Variants in NR2C1 observed in about 807,000 individuals in gnomAD.
NR2C1 encodes the protein TR2 nuclear hormone receptor.
Under a neutral mutation model 74.8 loss-of-function variants are expected in NR2C1, and 33 were observed. The ratio of observed to expected loss-of-function variants is 0.44; its 90% CI spans 0.33 to 0.59. The LOEUF (loss-of-function observed/expected upper bound fraction) is 0.59. Among genes scored for constraint, NR2C1 ranks in the 20% least tolerant of loss-of-function variants. NR2C1 has a pLI of 0.02. For missense variants in NR2C1, 568 were observed against 715.6 expected (o/e 0.79, Z 2.35); for synonymous variants, 225 against 240.6 (o/e 0.94, Z 0.60).
At chr12:95,028,291 G>A in intron 12 of NR2C1, 96 bp downstream of exon 12, 1 of 968,128 alleles carries the variant, frequency 1.0e-6, no homozygotes, top group Middle Eastern at 2.3e-4. Context: ...CCAGGTAACT[G>A]CACCATTTTA....
intron 11 of NR2C1, among the ~76,000 whole-genome samples, chr12:95,029,804 G>A (rs760321497): frequency 5.9e-5 from 9 of 151,968 alleles, no homozygotes; most frequent in East Asian, 1.9e-4. Context: ...TGATCCACCC[G>A]CCTAGGCATC....
At chr12:95,069,946 A>T (rs1876340639) in intron 1 of NR2C1, among the ~76,000 whole-genome samples, 1 of 152,068 alleles carries the variant, frequency 6.6e-6, no homozygotes, top group Non-Finnish European at 1.5e-5. Context: ...CTGGGATAGG[A>T]TAATAAAGAT....
At chr12:95,070,624 C>G (rs2136211907) in intron 1 of NR2C1, among the ~76,000 whole-genome samples, 1 of 152,270 alleles carries the variant, frequency 6.6e-6, no homozygotes, top group South Asian at 2.1e-4. Context: ...CACAGAACGA[C>G]TTATCCTTAT....
At chr12:95,032,404 G>A (rs1019095088) in intron 10 of NR2C1, among the ~76,000 whole-genome samples, 5 of 150,806 alleles carry the variant, frequency 3.3e-5, no homozygotes, top group Non-Finnish European at 4.4e-5. Context: ...CTTGCAGTGA[G>A]CAGAGGTCGC....
Position 95,025,387 on chromosome 12 carries a change from G to A in NR2C1, c.1532-132C>T. The A allele has an allele frequency of 7.3e-6, 4 of 544,634 alleles. No individual in the cohort carries two copies. In the South Asian group the frequency reaches 1.0e-4, roughly 14 times the overall value. 33.7% of individuals were successfully genotyped at this position (544,634 alleles called of 1,614,324 possible). On this transcript the variant is annotated intron_variant, in intron 12 of 13. Transcript: ENST00000333003. Reference sequence around the variant, plus strand: ...AAAATGTGTGGCTCAGGCCGGGCATGGTGGCTCACGCCTGTAATCCTAGCA... The same window carrying A: ...AAAATGTGTGGCTCAGGCCGGGCATAGTGGCTCACGCCTGTAATCCTAGCA...
intron 9 of NR2C1, among the ~76,000 whole-genome samples, chr12:95,045,802 T>C (rs1357029388): frequency 6.6e-6 from 1 of 152,156 alleles, no homozygotes; most frequent in Non-Finnish European, 1.5e-5. Context: ...ATAAAGTACA[T>C]GAAATCATAC....
intron 1 of NR2C1, among the ~76,000 whole-genome samples, chr12:95,069,851 A>AT (rs1876324986): frequency 2.0e-5 from 3 of 147,828 alleles, no homozygotes; most frequent in African/African-American, 7.3e-5. Context: ...TCTCAACCTT[A>AT]TAAAAAAAAA....
Position 95,025,108 on chromosome 12 carries a change from T to C in NR2C1, c.1637+42A>G, listed in dbSNP as rs780918385. ...AATGAGATAACAGATCCACAAAAGG[T>C]TTTTCAATTATTTTAATTATATAGA... On this transcript the variant is annotated intron_variant, in intron 13 of 13. Coordinates refer to ENST00000333003, the MANE Select transcript of NR2C1 (RefSeq NM_003297.4). 4.4e-6 allele frequency: 4 copies of C among 919,028 alleles called. No homozygotes were observed. In the Admixed American group the frequency reaches 1.1e-4, roughly 24 times the overall value. 56.9% of individuals were successfully genotyped at this position (919,028 alleles called of 1,614,324 possible).
In NR2C1 at chr12:95,058,465, C is replaced by A. The variant is rs1874235869; in HGVS notation, c.389G>T (p.Cys130Phe). The A allele has an allele frequency of 6.2e-7, 1 of 1,612,858 alleles. No homozygotes were observed. Among genetic ancestry groups the A allele is most frequent in the African/African-American group, 1.3e-5 (1 of 74,850 alleles). ...TTTAAAAAATCCTTTGCAGCCTTCA[C>A]AAGTTACTGCTCCATAATGACGTCC... ...ASGRHYGAVT[C>F]EGCKGFFKRS... is the part of the protein sequence containing the mutation. The change falls in exon 5 of 14, where the codon TGT becomes TTT. Residue 130 changes from cysteine to phenylalanine, a missense_variant. This residue lies in a region of NR2C1 where 44 missense variants were observed against 95.6 expected (regional missense o/e 0.46). Transcript: ENST00000333003.
chr12:95,025,128 T>C, intron 13 of NR2C1, 22 bp downstream of exon 13: 1 of 1,071,944 alleles, frequency 9.3e-7, no homozygotes, highest in South Asian at 1.5e-5. Context: ...ATTTTAATTA[T>C]ATAGAATTTA....
At chr12:95,040,929 T>C (rs781410396) in intron 9 of NR2C1, among the ~76,000 whole-genome samples, 2 of 152,184 alleles carry the variant, frequency 1.3e-5, no homozygotes, top group Non-Finnish European at 2.9e-5. Flanking sequence ...ATACAACAAA[T>C]TCAGTTTAAG....
chr12:95,054,614 G>A (rs539236376), intron 7 of NR2C1, among the ~76,000 whole-genome samples: 51 of 152,148 alleles, frequency 3.4e-4, no homozygotes, highest in Non-Finnish European at 5.3e-4. Flanking sequence ...AGCCCATAAT[G>A]TTAAGCACTG....
At chr12:95,029,894 G>T (rs1225382614) in intron 11 of NR2C1, among the ~76,000 whole-genome samples, 1 of 151,960 alleles carries the variant, frequency 6.6e-6, no homozygotes, top group Non-Finnish European at 1.5e-5. Context: ...TAAAGAAATG[G>T]TTCTCACTCT....
rs1868878512 is a variant in NR2C1, at chr12:95,022,510, G to T, written c.1638-107C>A. 3.2e-6 allele frequency: 3 copies of T among 929,404 alleles called. No individual in the cohort carries two copies. In the Admixed American group the frequency reaches 7.0e-5, roughly 22 times the overall value. The allele number at this position is 929,404 out of a possible 1,614,324, so 57.6% of individuals were successfully genotyped here. A position where few individuals can be genotyped will look rare whatever the true frequency, so the allele number is the denominator to read the frequency against. ...CATGTGGCCTAATTTAATAAAGATA[G>T]CATTTTCAAAAGTTAAAATCAAAAC... On this transcript the variant is annotated intron_variant, in intron 13 of 13. Coordinates refer to ENST00000333003, the MANE Select transcript of NR2C1 (RefSeq NM_003297.4).
At position 95,022,179 on chromosome 12, in the gene NR2C1, T is replaced by C. The variant is rs758381419; in HGVS notation, c.*50A>G. 2.1e-6 allele frequency: 3 copies of C among 1,438,216 alleles called. No homozygotes were observed. The highest frequency in any genetic ancestry group is 1.4e-5 in the South Asian group (1 of 69,946). The allele number at this position is 1,438,216 out of a possible 1,614,324, so 89.1% of individuals were successfully genotyped here. A position where few individuals can be genotyped will look rare whatever the true frequency, so the allele number is the denominator to read the frequency against. On this transcript the variant is annotated 3_prime_UTR_variant, in exon 14 of 14. Transcript: ENST00000333003. ...AAAGCAGTGAGTTCAATTTGGTGTCTTGTGTTCTGGCAAAGAACAGTTAAG... is the reference window on the plus strand; with the variant it reads ...AAAGCAGTGAGTTCAATTTGGTGTCCTGTGTTCTGGCAAAGAACAGTTAAG...
intron 11 of NR2C1, among the ~76,000 whole-genome samples, chr12:95,029,925 G>C (rs1173558361): frequency 6.6e-6 from 1 of 152,110 alleles, no homozygotes; most frequent in Non-Finnish European, 1.5e-5. Context: ...CTAGGGTGTA[G>C]TGGTGCCATC....
intron 2 of NR2C1, 166 bp from the exon 3 acceptor site, chr12:95,062,904 AT>A (rs1875012583): frequency 1.6e-6 from 1 of 614,052 alleles, no homozygotes; most frequent in Non-Finnish European, 2.9e-6. Flanking sequence ...AAATAAACAA[AT>A]GTGCAAACAA....
intron 3 of NR2C1, 41 bp downstream of exon 3, chr12:95,062,467 T>G: frequency 7.2e-7 from 1 of 1,385,664 alleles, no homozygotes; most frequent in Non-Finnish European, 9.9e-7. Flanking sequence ...AATTTTTTTT[T>G]TATATATGTA....
chr12:95,066,427 C>T (rs950489843), intron 2 of NR2C1, among the ~76,000 whole-genome samples: 1 of 152,104 alleles, frequency 6.6e-6, no homozygotes, highest in African/African-American at 2.4e-5. Context: ...CATATATATA[C>T]ATATACATAC....
Sources: allele counts gnomAD v4.1 joint callset (sites outside exome capture counted in the v4.1 genomes callset), GRCh38; gene constraint gnomAD v4.1.1; regional missense constraint gnomAD v4.1.1; transcripts MANE v1.5; gene names NCBI Gene and HGNC (gene_info 2026-07-23, HGNC 2026-07-21).